The following ST6GALNAC3 variants were observed in gnomAD, a reference collection of about 807,000 sequenced individuals.
ST6GALNAC3 encodes the protein alpha-N-acetylgalactosaminide alpha-2,6-sialyltransferase 3.
A neutral mutation model predicts 32.7 loss-of-function variants in ST6GALNAC3; 25 were observed. The observed-to-expected ratio is 0.76, with a 90% CI of 0.56 to 1.07. ST6GALNAC3 has a LOEUF of 1.07. Among genes scored for constraint, ST6GALNAC3 ranks in the 50% least tolerant of loss-of-function variants. The probability of loss-of-function intolerance (pLI) is 0.00; values close to 1 mark genes in which losing one functional copy is unlikely to be tolerated. For missense variants in ST6GALNAC3, 355 were observed against 382.4 expected (o/e 0.93, Z 0.60); for synonymous variants, 129 against 133.1 (o/e 0.97, Z 0.21).
intron 1 of ST6GALNAC3, among the ~76,000 whole-genome samples, chr1:76,248,056 G>T (rs1176160235): frequency 1.3e-5 from 2 of 152,084 alleles, no homozygotes; most frequent in African/African-American, 2.4e-5. Flanking sequence ...CTCTTGGCTG[G>T]GCGAGGGAGG....
intron 1 of ST6GALNAC3, among the ~76,000 whole-genome samples, chr1:76,262,332 G>A (rs1454973285): frequency 6.6e-6 from 1 of 152,194 alleles, no homozygotes; most frequent in Non-Finnish European, 1.5e-5. Context: ...GTGCCACTGT[G>A]CTAATTCCAT....
At chr1:76,508,655 G>T (rs1661636534) in intron 3 of ST6GALNAC3, among the ~76,000 whole-genome samples, 1 of 152,216 alleles carries the variant, frequency 6.6e-6, no homozygotes, top group Non-Finnish European at 1.5e-5. Flanking sequence ...AGAGAATGCA[G>T]AGAGCTTCAC....
chr1:76,231,835 A>G (rs1223892125), intron 1 of ST6GALNAC3, among the ~76,000 whole-genome samples: 4 of 152,300 alleles, frequency 2.6e-5, no homozygotes, highest in African/African-American at 9.6e-5. Flanking sequence ...ACCCTGCTTT[A>G]GATTCTTGTG....
At chr1:76,402,032 A>G (rs1653459976) in intron 2 of ST6GALNAC3, among the ~76,000 whole-genome samples, 1 of 100,450 alleles carries the variant, frequency 1.0e-5, no homozygotes, top group South Asian at 2.6e-4. Context: ...TTAGAGATGA[A>G]TTTATATTTT....
At chr1:76,174,647 C>T (rs1652733264) in intron 1 of ST6GALNAC3, among the ~76,000 whole-genome samples, 2 of 146,068 alleles carry the variant, frequency 1.4e-5, no homozygotes, top group South Asian at 2.2e-4. Context: ...TATTTCTTCT[C>T]TTTTCTTTTT....
At chr1:76,304,339 C>G (rs1433909462) in intron 1 of ST6GALNAC3, among the ~76,000 whole-genome samples, 4 of 152,102 alleles carry the variant, frequency 2.6e-5, no homozygotes, top group Non-Finnish European at 4.4e-5. Context: ...TTCCTTTCTC[C>G]CTCCACTCTC....
chr1:76,580,773 G>A (rs1227688253), intron 3 of ST6GALNAC3, among the ~76,000 whole-genome samples: 1 of 151,950 alleles, frequency 6.6e-6, no homozygotes, highest in African/African-American at 2.4e-5. Flanking sequence ...CCATGAAACA[G>A]AACAATCTTA....
intron 3 of ST6GALNAC3, among the ~76,000 whole-genome samples, chr1:76,442,708 A>T (rs1377666680): frequency 6.6e-6 from 1 of 152,210 alleles, no homozygotes; most frequent in Non-Finnish European, 1.5e-5. Flanking sequence ...CCACTGAACA[A>T]CAAGGTACCT....
chr1:76,300,413 T>C (rs2100845713), intron 1 of ST6GALNAC3, among the ~76,000 whole-genome samples: 1 of 152,044 alleles, frequency 6.6e-6, no homozygotes, highest in African/African-American at 2.4e-5. Flanking sequence ...GGTCCCTCGG[T>C]TATCATTATA....
chr1:76,612,003 T>C (rs1647968717), intron 3 of ST6GALNAC3, among the ~76,000 whole-genome samples: 1 of 152,212 alleles, frequency 6.6e-6, no homozygotes, highest in African/African-American at 2.4e-5. Context: ...ATACAGGCCA[T>C]TCCACAGTAA....
At chr1:76,537,968 G>A (rs1461415108) in intron 3 of ST6GALNAC3, among the ~76,000 whole-genome samples, 1 of 152,154 alleles carries the variant, frequency 6.6e-6, no homozygotes, top group Non-Finnish European at 1.5e-5. Context: ...CATTCCTTCT[G>A]AAACTATCTT....
At chr1:76,081,313 G>A (rs1646892958) in intron 1 of ST6GALNAC3, among the ~76,000 whole-genome samples, 2 of 147,442 alleles carry the variant, frequency 1.4e-5, no homozygotes, top group South Asian at 4.3e-4. Flanking sequence ...AAAGCAAATC[G>A]CAAAAGAAAT....
chr1:76,588,587 T>A (rs1646999096), intron 3 of ST6GALNAC3, among the ~76,000 whole-genome samples: 1 of 152,226 alleles, frequency 6.6e-6, no homozygotes, highest in African/African-American at 2.4e-5. Flanking sequence ...CTTCCTCTAC[T>A]CTGCTGTCAA....
intron 1 of ST6GALNAC3, among the ~76,000 whole-genome samples, chr1:76,191,718 T>C (rs1331254784): frequency 6.6e-6 from 1 of 152,048 alleles, no homozygotes; most frequent in African/African-American, 2.4e-5. Flanking sequence ...CTGAGGTCCC[T>C]GGGGAGCTAG....
At chr1:76,383,787 G>A (rs971883138) in intron 2 of ST6GALNAC3, among the ~76,000 whole-genome samples, 3 of 152,152 alleles carry the variant, frequency 2.0e-5, no homozygotes, top group Non-Finnish European at 2.9e-5. Flanking sequence ...CTATTAAAAT[G>A]TTGTAAGGCT....
chr1:76,323,325 T>C (rs1384836273), intron 2 of ST6GALNAC3, among the ~76,000 whole-genome samples: 2 of 152,238 alleles, frequency 1.3e-5, no homozygotes, highest in African/African-American at 2.4e-5. Flanking sequence ...TTAGGTTAAA[T>C]GACAGTCACT....
chr1:76,595,511 AT>A, intron 3 of ST6GALNAC3, among the ~76,000 whole-genome samples: 1 of 152,248 alleles, frequency 6.6e-6, no homozygotes, highest in East Asian at 1.9e-4. Context: ...CTGGTGTTAT[AT>A]TCTAAGCTTA....
chr1:76,558,961 G>C (rs1261600799), intron 3 of ST6GALNAC3, among the ~76,000 whole-genome samples: 1 of 151,978 alleles, frequency 6.6e-6, no homozygotes, highest in Non-Finnish European at 1.5e-5. Context: ...AAAAGAGGAG[G>C]CAATGTGCTG....
chr1:76,208,397 A>T (rs990130028), intron 1 of ST6GALNAC3, among the ~76,000 whole-genome samples: 1 of 152,244 alleles, frequency 6.6e-6, no homozygotes, highest in Non-Finnish European at 1.5e-5. Context: ...ATAGCTAAAC[A>T]TTTGGTTAGA....
Sources: allele counts gnomAD v4.1 joint callset (sites outside exome capture counted in the v4.1 genomes callset), GRCh38; gene constraint gnomAD v4.1.1; transcripts MANE v1.5; gene names NCBI Gene and HGNC (gene_info 2026-07-23, HGNC 2026-07-21).